FBXL17: variants seen among roughly 807,000 people sequenced by gnomAD.
The protein encoded by FBXL17 is F-box and leucine rich repeat protein 17, also known as F-box/LRR-repeat protein 17.
In FBXL17, 22 loss-of-function variants were observed where a neutral mutation model predicts 66.2. That is an observed-to-expected ratio of 0.33 (90% CI 0.24 to 0.47). FBXL17 has a LOEUF of 0.47. Among genes scored for constraint, FBXL17 ranks in the 20% least tolerant of loss-of-function variants. FBXL17 has a pLI of 1.00. For synonymous variants in FBXL17, 474 were observed against 400.5 expected (o/e 1.18, Z -2.19); for missense variants, 878 against 948.2 (o/e 0.93, Z 0.97).
rs115227536 is a variant in FBXL17, at chr5:108,225,400, T to C, written c.1507-1172A>G. On this transcript the variant is annotated intron_variant, in intron 4 of 8. Coordinates refer to ENST00000542267, the MANE Select transcript of FBXL17 (RefSeq NM_001163315.3). ...TTGGAAATGGGGCAGCTATTTCCAATAGTGAAGTAAATAGTTAATTTAGGA... is the reference window on the plus strand; with the variant it reads ...TTGGAAATGGGGCAGCTATTTCCAACAGTGAAGTAAATAGTTAATTTAGGA... Among the ~76,000 whole-genome samples the C allele has an allele frequency of 8.3e-3, 1,266 of 152,270 alleles. 9 individuals are homozygous for C. The highest frequency in any genetic ancestry group is 0.014 in the Non-Finnish European group (926 of 68,020).
intron 6 of FBXL17, among the ~76,000 whole-genome samples, chr5:108,137,888 T>C (rs984154596): frequency 2.0e-5 from 3 of 152,202 alleles, no homozygotes; most frequent in African/African-American, 7.2e-5. Flanking sequence ...TATCTATGCC[T>C]AGACTATCGA....
intron 6 of FBXL17, among the ~76,000 whole-genome samples, chr5:108,158,131 C>A (rs1481513655): frequency 6.6e-6 from 1 of 152,058 alleles, no homozygotes; most frequent in African/African-American, 2.4e-5. Context: ...TGTCTACTTT[C>A]AAATTCAAGA....
chr5:107,918,384 C>T (rs1036096205), intron 7 of FBXL17, among the ~76,000 whole-genome samples: 1 of 152,212 alleles, frequency 6.6e-6, no homozygotes, highest in East Asian at 1.9e-4. Flanking sequence ...GATTACATTA[C>T]TCAAATGTAC....
intron 6 of FBXL17, among the ~76,000 whole-genome samples, chr5:108,082,822 C>G (rs1748820827): frequency 6.6e-6 from 1 of 151,986 alleles, no homozygotes; most frequent in Non-Finnish European, 1.5e-5. Flanking sequence ...ATATGTTTGG[C>G]CAAAAGAGAT....
intron 4 of FBXL17, chr5:108,302,010 TGTC>T (rs1203646645): frequency 1.0e-6 from 1 of 984,794 alleles, no homozygotes; most frequent in Non-Finnish European, 1.2e-6. Context: ...CCATTTCTCA[TGTC>T]GTGATTGGAA....
intron 7 of FBXL17, among the ~76,000 whole-genome samples, chr5:107,952,459 T>C (rs1751527315): frequency 6.6e-6 from 1 of 152,220 alleles, no homozygotes. Context: ...ATGATGAGTA[T>C]TTTAATATAA....
At chr5:107,981,516 G>T (rs548069837) in intron 7 of FBXL17, among the ~76,000 whole-genome samples, 8 of 152,298 alleles carry the variant, frequency 5.3e-5, no homozygotes, top group African/African-American at 1.9e-4. Context: ...ACTCAGTCAG[G>T]ACAGGCAATG....
chr5:107,908,985 C>T (rs1442788748), intron 7 of FBXL17, among the ~76,000 whole-genome samples: 3 of 152,052 alleles, frequency 2.0e-5, no homozygotes, highest in African/African-American at 4.8e-5. Flanking sequence ...AGCAAGTGGC[C>T]GTCGTGATAG....
At chr5:107,963,756 C>T (rs1752011126) in intron 7 of FBXL17, among the ~76,000 whole-genome samples, 1 of 152,032 alleles carries the variant, frequency 6.6e-6, no homozygotes. Context: ...ACATTTAGCT[C>T]TGGGAGCATG....
At chr5:108,354,584 A>G (rs1482226413) in intron 3 of FBXL17, among the ~76,000 whole-genome samples, 1 of 152,104 alleles carries the variant, frequency 6.6e-6, no homozygotes, top group East Asian at 1.9e-4. Context: ...ACTCCTGACT[A>G]ATAATTTACC....
intron 8 of FBXL17, among the ~76,000 whole-genome samples, chr5:107,876,651 C>A (rs1163819857): frequency 6.6e-6 from 1 of 152,130 alleles, no homozygotes; most frequent in Admixed American, 6.5e-5. Flanking sequence ...CCTTGTCACC[C>A]CAAACATTTT....
intron 6 of FBXL17, among the ~76,000 whole-genome samples, chr5:108,160,965 G>A (rs1752188262): frequency 1.3e-5 from 2 of 152,052 alleles, no homozygotes; most frequent in Admixed American, 1.3e-4. Context: ...TCTTCACCCT[G>A]CTTTTGGGCC....
At chr5:107,986,157 A>G (rs1042864012) in intron 7 of FBXL17, among the ~76,000 whole-genome samples, 1 of 152,090 alleles carries the variant, frequency 6.6e-6, no homozygotes, top group African/African-American at 2.4e-5. Context: ...GAGATAACCC[A>G]TATCTGTAGC....
At chr5:108,083,250 CAG>C (rs75900350) in intron 6 of FBXL17, among the ~76,000 whole-genome samples, 11,812 of 145,404 alleles carry the variant, frequency 0.081, 698 homozygotes, top group African/African-American at 0.17. Flanking sequence ...CACACACACA[CAG>C]AGAGAGAGAT....
intron 7 of FBXL17, among the ~76,000 whole-genome samples, chr5:107,942,592 A>C (rs938685172): frequency 1.3e-5 from 2 of 152,066 alleles, no homozygotes; most frequent in African/African-American, 4.8e-5. Flanking sequence ...TTTTCCACTT[A>C]ACTCAATCCC....
intron 5 of FBXL17, among the ~76,000 whole-genome samples, chr5:108,190,858 A>G (rs1753443817): frequency 6.6e-6 from 1 of 152,166 alleles, no homozygotes; most frequent in Admixed American, 6.5e-5. Context: ...TCCACACCCA[A>G]AAAGTTTTTA....
At chr5:108,024,983 C>G (rs1415707147) in intron 6 of FBXL17, among the ~76,000 whole-genome samples, 1 of 152,006 alleles carries the variant, frequency 6.6e-6, no homozygotes, top group East Asian at 1.9e-4. Context: ...TCAAAACTAT[C>G]AAAGGAATTC....
chr5:108,218,016 C>CTTTTT (rs752575685), intron 5 of FBXL17, among the ~76,000 whole-genome samples: 9 of 120,132 alleles, frequency 7.5e-5, no homozygotes, highest in Non-Finnish European at 1.3e-4. Context: ...AATTTTTTTT[C>CTTTTT]TTTTTTTTTT....
chr5:108,380,065 GC>G (rs1297632396), intron 1 of FBXL17, among the ~76,000 whole-genome samples: 2 of 152,146 alleles, frequency 1.3e-5, no homozygotes, highest in Non-Finnish European at 2.9e-5. Context: ...ACCACTTCAA[GC>G]CCCACTAGAC....
Sources: gnomAD v4.1 joint callset for allele counts (sites outside exome capture counted in the v4.1 genomes callset) on GRCh38, gnomAD v4.1.1 for gene constraint, MANE v1.5 for transcripts, NCBI Gene and HGNC (gene_info 2026-07-23, HGNC 2026-07-21) for gene names.